The following CCDC171 variants were observed in gnomAD, a reference collection of about 807,000 sequenced individuals.
CCDC171 encodes coiled-coil domain-containing protein 171.
In CCDC171, 177 loss-of-function variants were observed where a neutral mutation model predicts 168.2. The observed-to-expected ratio is 1.05, with a 90% CI of 0.93 to 1.19. CCDC171 has a LOEUF of 1.19. Among genes scored for constraint, CCDC171 ranks in the 50% most tolerant of loss-of-function variants. CCDC171 has a pLI of 0.00. For missense variants in CCDC171, 1,991 were observed against 1,539.0 expected (o/e 1.29, Z -4.91); for synonymous variants, 687 against 540.8 (o/e 1.27, Z -3.75).
At chr9:15,588,272 G>A (rs2131394002) in intron 4 of CCDC171, 1 of 168,586 alleles carries the variant, frequency 5.9e-6, no homozygotes, top group Non-Finnish European at 1.3e-5. Flanking sequence ...GGAAGAAGAG[G>A]CAAGAAGGAC....
rs540143783 is a variant in CCDC171, at chr9:15,817,355, G to A, written c.3268-29347G>A. ...AGTGCCGAACAGTGGGTGCAGGACA[G>A]TGGGTGCAGTGCAGCAAGCATGAGC... On this transcript the variant is annotated intron_variant, in intron 21 of 25. Transcript: ENST00000380701. 2.5e-5 allele frequency among the ~76,000 whole-genome samples: 3 copies of A among 118,022 alleles called. 1 individual carries two copies. Among genetic ancestry groups the A allele is most frequent in the African/African-American group, 6.3e-5 (2 of 31,534 alleles). 77.4% of individuals were successfully genotyped at this position (118,022 alleles called of 152,430 possible).
At chr9:15,995,578 G>A (rs1257981216) in intron 3 of CCDC171, among the ~76,000 whole-genome samples, 1 of 152,172 alleles carries the variant, frequency 6.6e-6, no homozygotes, top group Non-Finnish European at 1.5e-5. Context: ...GCTGTCATCA[G>A]TGTTTTTCTG....
intron 18 of CCDC171, among the ~76,000 whole-genome samples, chr9:15,758,774 A>C (rs1368840889): frequency 2.0e-5 from 3 of 152,088 alleles, no homozygotes; most frequent in Non-Finnish European, 4.4e-5. Context: ...AATAAGTCTC[A>C]CAAGGTTTGA....
At chr9:15,729,835 T>TG in intron 16 of CCDC171, 37 bp downstream of exon 16, 1 of 1,569,650 alleles carries the variant, frequency 6.4e-7, no homozygotes, top group South Asian at 1.2e-5. Context: ...AAAAATGGGT[T>TG]ACTCAGTGTA....
At chr9:15,696,699 G>T (rs539998741) in intron 11 of CCDC171, among the ~76,000 whole-genome samples, 1 of 152,116 alleles carries the variant, frequency 6.6e-6, no homozygotes, top group Admixed American at 6.5e-5. Context: ...AATTAGAAAA[G>T]CTAAGAATAA....
chr9:15,669,781 G>A (rs989724037), intron 9 of CCDC171, among the ~76,000 whole-genome samples: 4 of 151,864 alleles, frequency 2.6e-5, no homozygotes, highest in Non-Finnish European at 5.9e-5. Context: ...TTATTTCTTA[G>A]ACTCAATATT....
chr9:15,929,565 A>T (rs994890337), intron 25 of CCDC171, among the ~76,000 whole-genome samples: 4 of 151,656 alleles, frequency 2.6e-5, no homozygotes, highest in African/African-American at 9.7e-5. Context: ...TCTACCACCA[A>T]TATTTAATTT....
At chr9:15,750,337 C>A (rs969285115) in intron 18 of CCDC171, among the ~76,000 whole-genome samples, 1 of 151,950 alleles carries the variant, frequency 6.6e-6, no homozygotes, top group Non-Finnish European at 1.5e-5. Context: ...ATAGCCTACT[C>A]ACCAAAAAAA....
At chr9:15,712,707 A>G (rs759223944) in intron 11 of CCDC171, among the ~76,000 whole-genome samples, 12 of 152,174 alleles carry the variant, frequency 7.9e-5, no homozygotes, top group African/African-American at 2.4e-4. Flanking sequence ...CCAAGTTGCT[A>G]TCTCATCCTC....
At chr9:15,631,337 G>T (rs2045674973) in intron 7 of CCDC171, among the ~76,000 whole-genome samples, 1 of 151,928 alleles carries the variant, frequency 6.6e-6, no homozygotes, top group Admixed American at 6.6e-5. Flanking sequence ...TGATAAAGGG[G>T]ATATCACCAC....
chr9:16,092,274 G>T, the CCDC171 span, among the ~76,000 whole-genome samples: 1 of 152,296 alleles, frequency 6.6e-6, no homozygotes, highest in African/African-American at 2.4e-5. Context: ...CACCCAGGTG[G>T]CCTGACTCTC....
intron 21 of CCDC171, among the ~76,000 whole-genome samples, chr9:15,808,319 C>T (rs1452984611): frequency 2.0e-5 from 3 of 152,066 alleles, no homozygotes; most frequent in East Asian, 3.9e-4. Flanking sequence ...TACTAATTTG[C>T]CTAAGGCATT....
chr9:15,728,046 C>T lies in CCDC171; in HGVS notation c.1860+10C>T, dbSNP rs2053926989. 1.4e-5 allele frequency: 22 copies of T among 1,600,538 alleles called. No individual in the cohort carries two copies. Among genetic ancestry groups the T allele is most frequent in the Non-Finnish European group, 1.7e-5 (20 of 1,172,052 alleles). On this transcript the variant is annotated intron_variant, in intron 15 of 25. Transcript: ENST00000380701. ...CAGGGCTAATGAGAAGGTAACTGTC[C>T]TCAGGCACCAGATACCTCTATTAAA...
rs2059771771 is a variant in CCDC171 at position 15,821,552 on chromosome 9, C to A, written c.3268-25150C>A. On this transcript the variant is annotated intron_variant, in intron 21 of 25. Transcript: ENST00000380701. ...TTCTTATACACCAATAACAGACAAA[C>A]AGCCAAATCATGAGTGAACTCCCAT... 3.5e-5 allele frequency among the ~76,000 whole-genome samples: 4 copies of A among 115,404 alleles called. 2 individuals are homozygous for A. Among genetic ancestry groups the A allele is most frequent in the African/African-American group, 1.3e-4 (4 of 30,886 alleles). 75.7% of individuals were successfully genotyped at this position (115,404 alleles called of 152,430 possible).
chr9:15,670,062 A>C (rs1043463997), intron 9 of CCDC171, among the ~76,000 whole-genome samples: 1 of 151,902 alleles, frequency 6.6e-6, no homozygotes, highest in African/African-American at 2.4e-5. Context: ...TCCACCTTTT[A>C]AGTCCTGGCC....
the CCDC171 span, among the ~76,000 whole-genome samples, chr9:16,106,385 A>G: frequency 1.3e-5 from 2 of 152,150 alleles, no homozygotes; most frequent in African/African-American, 2.4e-5. Context: ...TCCGTAGCTC[A>G]GTGTCAGATT....
At chr9:15,955,978 A>T (rs902496191) in intron 25 of CCDC171, among the ~76,000 whole-genome samples, 12 of 152,182 alleles carry the variant, frequency 7.9e-5, no homozygotes, top group African/African-American at 2.9e-4. Flanking sequence ...TCGATTCTAG[A>T]TAGATTTAGA....
chr9:15,935,123 A>G (rs1050177055), intron 25 of CCDC171, among the ~76,000 whole-genome samples: 2 of 152,106 alleles, frequency 1.3e-5, no homozygotes, highest in Non-Finnish European at 2.9e-5. Context: ...TCCTGATGCC[A>G]TTGAATTGTA....
chr9:15,897,974 C>T (rs1408454520), intron 24 of CCDC171, among the ~76,000 whole-genome samples: 2 of 152,140 alleles, frequency 1.3e-5, no homozygotes, highest in Admixed American at 6.6e-5. Context: ...ATCACTGAAC[C>T]ACAGTTTCTT....
Sources: gnomAD v4.1 joint callset for allele counts (sites outside exome capture counted in the v4.1 genomes callset) on GRCh38, gnomAD v4.1.1 for gene constraint, MANE v1.5 for transcripts, NCBI Gene and HGNC (gene_info 2026-07-23, HGNC 2026-07-21) for gene names.